TXNRD2: variants seen among roughly 807,000 people sequenced by gnomAD.
The protein encoded by TXNRD2 is thioredoxin reductase 2, mitochondrial.
TXNRD2 carries 67 observed loss-of-function variants against 70.8 expected under a neutral mutation model. That is an observed-to-expected ratio of 0.95 (90% CI 0.78 to 1.16). TXNRD2 has a LOEUF of 1.16. Ranked by LOEUF, TXNRD2 falls within the 50% of genes most tolerant of loss-of-function variation. TXNRD2 has a pLI of 0.00. For synonymous variants in TXNRD2, 301 were observed against 295.8 expected, an observed-to-expected ratio of 1.02 and a Z score of -0.18; for missense variants, 644 against 719.9, an observed-to-expected ratio of 0.89 and a Z score of 1.21.
At chr22:19,877,316 G>A (rs1052768342) in intron 16 of TXNRD2, 82 bp from the exon 17 acceptor site, 1 of 1,307,296 alleles carries the variant, frequency 7.6e-7, no homozygotes, top group East Asian at 2.4e-5. Flanking sequence ...GAAGAGGAGG[G>A]CCTCAGAGGC....
At chr22:19,912,354 G>A (rs1405213350) in intron 7 of TXNRD2, among the ~76,000 whole-genome samples, 6 of 152,248 alleles carry the variant, frequency 3.9e-5, no homozygotes, top group Admixed American at 3.9e-4. Flanking sequence ...CACCCTGGGA[G>A]GGCGTGGCAG....
chr22:19,915,151 A>G, intron 7 of TXNRD2, 63 bp downstream of exon 7: 1 of 1,510,892 alleles, frequency 6.6e-7, no homozygotes, highest in Non-Finnish European at 9.1e-7. Flanking sequence ...GTAAAAACGT[A>G]TCCCTCAAAG....
intron 1 of TXNRD2, among the ~76,000 whole-genome samples, chr22:19,941,296 C>A (rs948610230): frequency 6.6e-6 from 1 of 152,148 alleles, no homozygotes; most frequent in Non-Finnish European, 1.5e-5. Context: ...TGTATCCTCC[C>A]ATTGCTCTGT....
intron 12 of TXNRD2, among the ~76,000 whole-genome samples, chr22:19,882,816 CCACTT>C (rs1354973622): frequency 6.6e-6 from 1 of 152,232 alleles, no homozygotes; most frequent in African/African-American, 2.4e-5. Flanking sequence ...GCACCGGTCT[CCACTT>C]CACAGCAGCA....
rs1479793799 is a variant in TXNRD2 at position 19,875,562 on chromosome 22, CA to C, written c.*310del. On this transcript the variant is annotated 3_prime_UTR_variant, in exon 18 of 18. Transcript: ENST00000400521. Reference sequence around the variant, plus strand: ...CTCTTTATTTGCATTGCAGAAATGCCAGGGGGCTCGGACATGGGTGCCCACA... The same window carrying C: ...CTCTTTATTTGCATTGCAGAAATGCCGGGGGCTCGGACATGGGTGCCCACA... 6.6e-6 allele frequency: 1 copy of C among 152,234 alleles called. No individual in the cohort carries two copies. The allele number at this position is 152,234 out of a possible 1,614,324, so 9.4% of individuals were successfully genotyped here. A position where few individuals can be genotyped will look rare whatever the true frequency, so the allele number is the denominator to read the frequency against.
intron 7 of TXNRD2, among the ~76,000 whole-genome samples, chr22:19,914,579 G>A (rs986526046): frequency 2.6e-5 from 4 of 152,120 alleles, no homozygotes; most frequent in Admixed American, 6.6e-5. Flanking sequence ...TCACTTACAC[G>A]AGGTGCCTAG....
intron 8 of TXNRD2, among the ~76,000 whole-genome samples, chr22:19,907,300 GGA>G (rs1940090476): frequency 2.6e-5 from 1 of 38,014 alleles, no homozygotes; most frequent in African/African-American, 1.2e-4. Context: ...TGGGCGCCGT[GGA>G]TAGCAGTGAC....
chr22:19,882,746 C>T (rs1166198520), intron 12 of TXNRD2, among the ~76,000 whole-genome samples: 1 of 152,238 alleles, frequency 6.6e-6, no homozygotes, highest in East Asian at 1.9e-4. Flanking sequence ...CTGACCACCA[C>T]AGTCCCTTAC....
intron 8 of TXNRD2, among the ~76,000 whole-genome samples, chr22:19,906,222 T>C (rs1940006184): frequency 6.6e-6 from 1 of 152,162 alleles, no homozygotes; most frequent in Non-Finnish European, 1.5e-5. Flanking sequence ...ACAGACACGC[T>C]CATCTCAAAT....
chr22:19,941,533 A>G, intron 1 of TXNRD2, 168 bp downstream of exon 1: 1 of 1,191,092 alleles, frequency 8.4e-7, no homozygotes, highest in Non-Finnish European at 1.1e-6. Flanking sequence ...ACTTGTGGCT[A>G]GAAGCAGCCC....
chr22:19,888,259 C>A (rs1430577336), intron 11 of TXNRD2, among the ~76,000 whole-genome samples: 1 of 152,154 alleles, frequency 6.6e-6, no homozygotes, highest in Non-Finnish European at 1.5e-5. Flanking sequence ...AGAGCCCCAC[C>A]AGCTGCTGTC....
chr22:19,941,563 G>A, intron 1 of TXNRD2, 138 bp downstream of exon 1: 1 of 1,301,302 alleles, frequency 7.7e-7, no homozygotes, highest in Non-Finnish European at 9.8e-7. Flanking sequence ...AGCAAGACTA[G>A]ACCAAGAGGC....
chr22:19,877,295 C>T, intron 16 of TXNRD2, 61 bp from the exon 17 acceptor site: 2 of 1,495,228 alleles, frequency 1.3e-6, no homozygotes, highest in Non-Finnish European at 9.3e-7. Flanking sequence ...TCCACAGCAT[C>T]CCACCCCCGG....
At chr22:19,921,866 A>C (rs1281346206) in intron 2 of TXNRD2, among the ~76,000 whole-genome samples, 1 of 152,230 alleles carries the variant, frequency 6.6e-6, no homozygotes, top group Admixed American at 6.5e-5. Context: ...GCCTGTTCCC[A>C]GAATCTGGAC....
At chr22:19,917,754 A>G (rs1940702531) in intron 5 of TXNRD2, among the ~76,000 whole-genome samples, 1 of 152,124 alleles carries the variant, frequency 6.6e-6, no homozygotes, top group African/African-American at 2.4e-5. Flanking sequence ...TGCAGTAAGA[A>G]GGGGGTTCAC....
chr22:19,878,115 T>C lies in TXNRD2; in HGVS notation c.1420A>G (p.Thr474Ala), dbSNP rs553844427. 7 of 1,613,490 alleles carry C rather than the reference T, an allele frequency of 4.3e-6. No homozygotes were observed. The African/African-American group carries it at 9.3e-5, about 22-fold the overall frequency. The change falls in exon 16 of 18, where the codon ACT becomes GCT. Residue 474 changes from threonine (T) to alanine (A), a missense_variant. Thr to Ala is a moderately conservative substitution (Grantham distance 58). Coordinates refer to ENST00000400521, the MANE Select transcript of TXNRD2 (RefSeq NM_006440.5). ...TTGATCCCCAGAGCAAATCCTTGAG[T>C]AACTTCGCCTGCGTTGGGGCCAAGG... ...HFLGPNAGEV[T>A]QGFALGIKCG...
At chr22:19,877,520 T>C (rs1938564950) in intron 16 of TXNRD2, among the ~76,000 whole-genome samples, 2 of 152,078 alleles carry the variant, frequency 1.3e-5, no homozygotes. Flanking sequence ...AGTCCTGCCT[T>C]AGGCCTCTGC....
At chr22:19,908,460 A>G (rs540691028) in intron 8 of TXNRD2, among the ~76,000 whole-genome samples, 57 of 152,276 alleles carry the variant, frequency 3.7e-4, no homozygotes, top group African/African-American at 1.3e-3. Flanking sequence ...AGTTTAAAGG[A>G]AAAAATAAAA....
At chr22:19,930,925 A>G (rs1941333805) in intron 2 of TXNRD2, 105 bp downstream of exon 2, 1 of 1,001,508 alleles carries the variant, frequency 1.0e-6, no homozygotes, top group Non-Finnish European at 1.6e-6. Flanking sequence ...TGACCCCAGC[A>G]GGGAGGCAAC....
Sources: allele counts gnomAD v4.1 joint callset (sites outside exome capture counted in the v4.1 genomes callset), GRCh38; gene constraint gnomAD v4.1.1; transcripts MANE v1.5; gene names NCBI Gene and HGNC (gene_info 2026-07-23, HGNC 2026-07-21).